Variants in FAM229B observed in about 807,000 individuals in gnomAD.
FAM229B encodes family with sequence similarity 229 member B.
FAM229B carries 2 observed loss-of-function variants against 6.7 expected under a neutral mutation model. The ratio of observed to expected loss-of-function variants is 0.30; its 90% CI spans 0.12 to 0.94. FAM229B has a LOEUF of 0.94. FAM229B is among the 40% of genes least tolerant of loss of function. The pLI is 0.54. For missense variants in FAM229B, 93 were observed against 96.2 expected, an observed-to-expected ratio of 0.97 and a Z score of 0.14; for synonymous variants, 29 against 34.0, an observed-to-expected ratio of 0.85 and a Z score of 0.51.
At chr6:112,093,468 A>T (rs1248315344) in intron 1 of FAM229B, among the ~76,000 whole-genome samples, 1 of 152,118 alleles carries the variant, frequency 6.6e-6, no homozygotes, top group Non-Finnish European at 1.5e-5. Flanking sequence ...TAAACCAAGT[A>T]TATAGAAAAT....
intron 1 of FAM229B, among the ~76,000 whole-genome samples, chr6:112,092,133 A>C (rs1235080981): frequency 6.6e-6 from 1 of 152,110 alleles, no homozygotes; most frequent in Non-Finnish European, 1.5e-5. Flanking sequence ...AGGAGGGAAC[A>C]AAAAATACTT....
chr6:112,093,951 A>G (rs1383052390), intron 1 of FAM229B, among the ~76,000 whole-genome samples: 4 of 151,546 alleles, frequency 2.6e-5, no homozygotes, highest in African/African-American at 7.3e-5. Flanking sequence ...AAATTAAACA[A>G]TATAATTGTA....
intron 1 of FAM229B, among the ~76,000 whole-genome samples, chr6:112,088,888 A>G (rs1386858437): frequency 6.6e-6 from 1 of 152,198 alleles, no homozygotes; most frequent in Non-Finnish European, 1.5e-5. Flanking sequence ...CCTACCCTTC[A>G]TGCAGTCCCA....
intron 1 of FAM229B, among the ~76,000 whole-genome samples, chr6:112,090,646 G>A (rs1025644035): frequency 1.3e-5 from 2 of 151,916 alleles, no homozygotes; most frequent in African/African-American, 4.8e-5. Flanking sequence ...AGGGGTGTCT[G>A]GGGGCTATGC....
chr6:112,090,703 T>G (rs1777246734), intron 1 of FAM229B, among the ~76,000 whole-genome samples: 1 of 152,138 alleles, frequency 6.6e-6, no homozygotes, highest in South Asian at 2.1e-4. Flanking sequence ...TCTGCCATTA[T>G]TTGGTCCATT....
Position 112,101,690 on chromosome 6 carries a change from T to C in FAM229B, c.*903T>C, listed in dbSNP as rs587611931. On this transcript the variant is annotated 3_prime_UTR_variant, in exon 4 of 4. Coordinates refer to ENST00000368656, the MANE Select transcript of FAM229B (RefSeq NM_001033564.3). ...ATTGTCTTCTCCAAAAGACTGACTT[T>C]AGGATCAGATACAATTTTCACCAGT... is the stretch of plus-strand genomic sequence containing the variant. The C allele has an allele frequency of 5.3e-5, 8 of 152,348 alleles. No homozygotes were observed. Among genetic ancestry groups the C allele is most frequent in the Admixed American group, 5.2e-4 (8 of 15,304 alleles). 9.4% of individuals were successfully genotyped at this position (152,348 alleles called of 1,614,324 possible).
Position 112,100,780 on chromosome 6 carries a change from C to G in FAM229B, c.236C>G (p.Pro79Arg), listed in dbSNP as rs1554319195. The change falls in exon 4 of 4, where the codon CCT (proline) becomes CGT (arginine). Residue 79 changes from proline to arginine, a missense_variant. Pro to Arg is a moderately radical substitution (Grantham distance 103). Coordinates refer to ENST00000368656, the MANE Select transcript of FAM229B (RefSeq NM_001033564.3). Reference sequence around the variant, plus strand: ...GCACAAAGCAGCAAGGAAATGCATCCTAAATAGCACCATTAAGTCTTTTGT... The same window carrying G: ...GCACAAAGCAGCAAGGAAATGCATCGTAAATAGCACCATTAAGTCTTTTGT... The part of the protein sequence containing the change: ...PPAQSSKEMH[P>R]K 2 of 1,610,180 alleles carry G rather than the reference C, an allele frequency of 1.2e-6. No homozygotes were observed. The highest frequency in any genetic ancestry group is 1.7e-6 in the Non-Finnish European group (2 of 1,176,468).
intron 1 of FAM229B, among the ~76,000 whole-genome samples, chr6:112,091,173 TG>T (rs1554318155): frequency 6.6e-6 from 1 of 152,212 alleles, no homozygotes; most frequent in African/African-American, 2.4e-5. Context: ...TTGTCACAAA[TG>T]ACGGCATTTT....
chr6:112,096,093 G>A (rs1033577852), intron 1 of FAM229B, among the ~76,000 whole-genome samples: 1 of 152,158 alleles, frequency 6.6e-6, no homozygotes, highest in African/African-American at 2.4e-5. Flanking sequence ...GAAGAGTTAT[G>A]TTCTGGTATA....
chr6:112,090,149 A>G (rs782633211), intron 1 of FAM229B, among the ~76,000 whole-genome samples: 1 of 152,234 alleles, frequency 6.6e-6, no homozygotes, highest in Non-Finnish European at 1.5e-5. Context: ...GTTTTAGAAG[A>G]AAATTATTCT....
Position 112,100,732 on chromosome 6 carries a change from A to G in FAM229B, c.188A>G (p.Tyr63Cys). The G allele has an allele frequency of 3.1e-6, 5 of 1,614,076 alleles. No individual in the cohort carries two copies. The highest frequency in any genetic ancestry group is 3.4e-6 in the Non-Finnish European group (4 of 1,179,954). Residue 63 changes from tyrosine to cysteine, a missense_variant, in exon 4 of 4, where the codon TAT becomes TGT. Physicochemically the swap from Tyr to Cys is radical, Grantham distance 194 (BLOSUM62 -2). Coordinates refer to ENST00000368656, the MANE Select transcript of FAM229B (RefSeq NM_001033564.3). ...ATAACTGATGTTCCCGTCACTGTTT[A>G]TGCAACAACGAGAAAGCCACCTGCA... ...LTITDVPVTVYATTRKPPAQS... is the reference protein window; with the variant it reads ...LTITDVPVTVCATTRKPPAQS...
Position 112,100,901 on chromosome 6 carries a change from G to A in FAM229B, c.*114G>A, listed in dbSNP as rs77668306. On this transcript the variant is annotated 3_prime_UTR_variant, in exon 4 of 4. Transcript: ENST00000368656. ...GCACCTTTAGATGATGACAACAGTTGAGCTCTTTACTTTTAGTAAGACCGA... is the reference window on the plus strand; with the variant it reads ...GCACCTTTAGATGATGACAACAGTTAAGCTCTTTACTTTTAGTAAGACCGA... The A allele has an allele frequency of 4.3e-4, 329 of 772,072 alleles. 2 individuals carry two copies. In the East Asian group the frequency reaches 7.0e-3, roughly 16 times the overall value. 47.8% of individuals were successfully genotyped at this position (772,072 alleles called of 1,614,324 possible). A position where few individuals can be genotyped will look rare whatever the true frequency, so the allele number is the denominator to read the frequency against.
rs1315738726 is a variant in FAM229B at position 112,100,758 on chromosome 6, C to T, written c.214C>T (p.Gln72Ter). ...VYATTRKPPAQSSKEMHPK is the reference protein window; with the variant it reads ...VYATTRKPPA ...TGCAACAACGAGAAAGCCACCTGCA[C>T]AAAGCAGCAAGGAAATGCATCCTAA... is the stretch of plus-strand genomic sequence containing the variant. Residue 72 changes from glutamine (Q) to a stop codon, truncating the protein, a stop_gained, in exon 4 of 4, where the codon CAA (glutamine) becomes TAA (stop). Transcript: ENST00000368656. LOFTEE classifies it high-confidence loss of function. 1 of 1,613,746 alleles carries T rather than the reference C, an allele frequency of 6.2e-7. No homozygotes were observed. The highest frequency in any genetic ancestry group is 8.5e-7 in the Non-Finnish European group (1 of 1,179,808).
chr6:112,091,891 G>A (rs1290537553), intron 1 of FAM229B, among the ~76,000 whole-genome samples: 1 of 152,126 alleles, frequency 6.6e-6, no homozygotes, highest in East Asian at 1.9e-4. Flanking sequence ...ATATGAAAAA[G>A]AGATCCCAAT....
intron 1 of FAM229B, among the ~76,000 whole-genome samples, chr6:112,096,322 C>T (rs587642082): frequency 5.9e-5 from 9 of 152,026 alleles, no homozygotes; most frequent in Non-Finnish European, 1.2e-4. Flanking sequence ...TTTGGGAGGC[C>T]GAGGCGGGCG....
rs117075107 is a variant in FAM229B at position 112,098,502 on chromosome 6, A to T, written c.-14-768A>T. Among the ~76,000 whole-genome samples, 122 of 152,342 alleles carry T rather than the reference A, an allele frequency of 8.0e-4. 2 individuals carry two copies. In the East Asian group the frequency reaches 0.017, roughly 21 times the overall value. On this transcript the variant is annotated intron_variant, in intron 2 of 3. Coordinates refer to ENST00000368656, the MANE Select transcript of FAM229B (RefSeq NM_001033564.3). ...CACTGCACTTTACGTGTATTACCTT[A>T]CTTAATCCTCACTATTATCCTAGAA...
intron 1 of FAM229B, among the ~76,000 whole-genome samples, chr6:112,094,372 T>C (rs1243559827): frequency 6.6e-6 from 1 of 152,222 alleles, no homozygotes; most frequent in Non-Finnish European, 1.5e-5. Context: ...CCTGTGCTTA[T>C]GTCTCAGACT....
In FAM229B at chr6:112,100,648, T is replaced by C. The variant is rs1554319156; in HGVS notation, c.126-22T>C. The C allele has an allele frequency of 3.3e-6, 5 of 1,517,024 alleles. No homozygotes were observed. The East Asian group carries it at 1.1e-4, about 34-fold the overall frequency. 94.0% of individuals were successfully genotyped at this position (1,517,024 alleles called of 1,614,324 possible). ...TTCCTCTTTTTAGTATCTAACTACA[T>C]GTCATCTGCTTTTTTATTCAGGCAA... On this transcript the variant is annotated intron_variant, in intron 3 of 3. Coordinates refer to ENST00000368656, the MANE Select transcript of FAM229B (RefSeq NM_001033564.3).
intron 1 of FAM229B, among the ~76,000 whole-genome samples, chr6:112,091,801 A>G (rs1777260468): frequency 2.0e-5 from 3 of 152,152 alleles, no homozygotes; most frequent in Non-Finnish European, 4.4e-5. Context: ...TAATAATTAC[A>G]TAAAATTAAA....
Sources: gnomAD v4.1 joint callset for allele counts (sites outside exome capture counted in the v4.1 genomes callset) on GRCh38, gnomAD v4.1.1 for gene constraint, MANE v1.5 for transcripts, NCBI Gene and HGNC (gene_info 2026-07-23, HGNC 2026-07-21) for gene names.